Variants in VGLL4 observed in about 807,000 individuals in gnomAD.
VGLL4 encodes the protein vestigial like family member 4, also known as transcription cofactor vestigial-like protein 4.
A neutral mutation model predicts 21.0 loss-of-function variants in VGLL4; 7 were observed. The ratio of observed to expected loss-of-function variants is 0.33; its 90% CI spans 0.19 to 0.63. VGLL4 has a LOEUF of 0.63. Among genes scored for constraint, VGLL4 ranks in the 20% least tolerant of loss-of-function variants. VGLL4 has a pLI of 0.78. For synonymous variants in VGLL4, 222 were observed against 173.2 expected, an observed-to-expected ratio of 1.28 and a Z score of -2.21; for missense variants, 394 against 425.7, an observed-to-expected ratio of 0.93 and a Z score of 0.66.
At chr3:11,660,443 C>G (rs572404810) in intron 2 of VGLL4, among the ~76,000 whole-genome samples, 1 of 152,290 alleles carries the variant, frequency 6.6e-6, no homozygotes, top group African/African-American at 2.4e-5. Context: ...AAGGCCTTTG[C>G]TTATTTACTC....
chr3:11,695,236 G>T (rs1454741733), intron 2 of VGLL4, among the ~76,000 whole-genome samples: 9 of 151,888 alleles, frequency 5.9e-5, no homozygotes. Context: ...TTTTAGTAGA[G>T]ACGGGGTTTC....
intron 1 of VGLL4, among the ~76,000 whole-genome samples, chr3:11,636,528 C>G (rs1432727957): frequency 6.6e-6 from 1 of 152,174 alleles, no homozygotes; most frequent in Non-Finnish European, 1.5e-5. Flanking sequence ...GCAATTTAAG[C>G]TTTTTCTATG....
rs36035876 is a variant in VGLL4 at position 11,691,983 on chromosome 3, G to GAA, written c.64+10986_64+10987dup. ...ATGGGTAGGGAGAAGTGCACCAAAT[G>GAA]AAAAAAAAAAAAAAAAAAGAACTAC... On this transcript the variant is annotated intron_variant, in intron 2 of 5. Transcript: ENST00000273038. 4.2e-3 allele frequency among the ~76,000 whole-genome samples: 447 copies of GAA among 105,652 alleles called. 8 individuals are homozygous for GAA. The highest frequency in any genetic ancestry group is 6.1e-3 in the South Asian group (19 of 3,096). The allele number at this position is 105,652 out of a possible 152,430, so 69.3% of individuals were successfully genotyped here.
chr3:11,699,811 C>CA lies in VGLL4; in HGVS notation c.64+3159dup, dbSNP rs112509560. On this transcript the variant is annotated intron_variant, in intron 2 of 5. Coordinates refer to the VGLL4 transcript ENST00000273038. ...CTAAGTGACAGAGCAAGTTCTGTCT[C>CA]AAAAAAAAAAAGGAGAATGATCTAG... Among the ~76,000 whole-genome samples the CA allele has an allele frequency of 4.7e-3, 659 of 138,914 alleles. 5 individuals carry two copies. The highest frequency in any genetic ancestry group is 0.029 in the Middle Eastern group (8 of 278). 91.1% of individuals were successfully genotyped at this position (138,914 alleles called of 152,430 possible).
rs1575442679 is a variant in VGLL4 at position 11,604,264 on chromosome 3, G to GCGCCCCCACGCCCACCCCC, written c.83-2243_83-2242insGGGGGTGGGCGTGGGGGCG. ...GCCGGCGCCGGAAGGAGCCCAGGAAGCACGGTTTGCCTCATTTGATGGATG... is the reference window on the plus strand; with the variant it reads ...GCCGGCGCCGGAAGGAGCCCAGGAAGCGCCCCCACGCCCACCCCCCACGGTTTGCCTCATTTGATGGATG... On this transcript the variant is annotated intron_variant, in intron 1 of 4. Coordinates refer to ENST00000430365, the MANE Select transcript of VGLL4 (RefSeq NM_001128219.3). 3.8e-4 allele frequency: 216 copies of GCGCCCCCACGCCCACCCCC among 570,942 alleles called. 7 individuals are homozygous for GCGCCCCCACGCCCACCCCC. The highest frequency in any genetic ancestry group is 1.7e-3 in the African/African-American group (64 of 38,578). The allele number at this position is 570,942 out of a possible 1,614,324, so 35.4% of individuals were successfully genotyped here. A position where few individuals can be genotyped will look rare whatever the true frequency, so the allele number is the denominator to read the frequency against.
intron 1 of VGLL4, among the ~76,000 whole-genome samples, chr3:11,602,306 T>G (rs1018027144): frequency 1.3e-5 from 2 of 152,134 alleles, no homozygotes; most frequent in African/African-American, 4.8e-5. Flanking sequence ...GCAAAAAGCA[T>G]TTTCTGTAAA....
At chr3:11,698,138 C>G (rs1295521423) in intron 2 of VGLL4, among the ~76,000 whole-genome samples, 1 of 152,114 alleles carries the variant, frequency 6.6e-6, no homozygotes, top group East Asian at 1.9e-4. Flanking sequence ...AAAGACATGC[C>G]AAGGTGTTGT....
intron 2 of VGLL4, among the ~76,000 whole-genome samples, chr3:11,595,778 T>C (rs1371768211): frequency 5.3e-5 from 8 of 150,858 alleles, no homozygotes; most frequent in Admixed American, 1.3e-4. Flanking sequence ...TAGGTGGGAA[T>C]TGAACAATGA....
chr3:11,620,381 G>A (rs2075243136), intron 1 of VGLL4, among the ~76,000 whole-genome samples: 1 of 152,174 alleles, frequency 6.6e-6, no homozygotes. Flanking sequence ...CACAGCCTGA[G>A]GGGGCAACAG....
chr3:11,673,405 C>T (rs760811167), intron 2 of VGLL4, among the ~76,000 whole-genome samples: 20 of 151,072 alleles, frequency 1.3e-4, no homozygotes, highest in Non-Finnish European at 2.8e-4. Context: ...TTCCAAAAAG[C>T]AGAACGAGTC....
At chr3:11,563,629 A>G (rs2073241342) in intron 3 of VGLL4, among the ~76,000 whole-genome samples, 1 of 152,204 alleles carries the variant, frequency 6.6e-6, no homozygotes, top group South Asian at 2.1e-4. Flanking sequence ...CAGCAGTGAT[A>G]ACTTGGCCTC....
rs982222165 is a variant in VGLL4 at position 11,660,723 on chromosome 3, A to G, written c.64+42248T>C. 5.3e-5 allele frequency among the ~76,000 whole-genome samples: 8 copies of G among 152,280 alleles called. No individual in the cohort carries two copies. The East Asian group carries it at 1.3e-3, about 26-fold the overall frequency. On this transcript the variant is annotated intron_variant, in intron 2 of 5. Coordinates refer to the VGLL4 transcript ENST00000273038. ...ATTGTAAATGTTATAGGTTTCAAAG[A>G]TTATCTATTTGGGAACTTGGGCATA...
chr3:11,568,539 T>G lies in VGLL4; in HGVS notation c.273-3520A>C, dbSNP rs1220596916. 24 of 1,549,228 alleles carry G rather than the reference T, an allele frequency of 1.5e-5. 2 individuals carry two copies. In the South Asian group the frequency reaches 2.0e-4, roughly 13 times the overall value. ...GGCACTATGGGTCAGACAAAGACAC[T>G]GAAAACAGCGAGAAAAGGCCTGGAG... On this transcript the variant is annotated intron_variant, in intron 2 of 4. Coordinates refer to ENST00000430365, the MANE Select transcript of VGLL4 (RefSeq NM_001128219.3). This position sits in a 1 kb window ranked among gnomAD's most constrained non-coding sequence, Gnocchi z 5.9.
intron 1 of VGLL4, among the ~76,000 whole-genome samples, chr3:11,628,738 T>C (rs1356482540): frequency 6.6e-6 from 1 of 152,216 alleles, no homozygotes; most frequent in Non-Finnish European, 1.5e-5. Context: ...AAGAATGGTG[T>C]GAACACGGGA....
chr3:11,615,959 C>T (rs891048048), intron 1 of VGLL4, among the ~76,000 whole-genome samples: 4 of 152,206 alleles, frequency 2.6e-5, no homozygotes, highest in African/African-American at 7.2e-5. Flanking sequence ...TCCATTCTTC[C>T]TTCTCACATC....
upstream of VGLL4, among the ~76,000 whole-genome samples, chr3:11,644,681 A>C (rs1186509839): frequency 6.6e-6 from 1 of 152,038 alleles, no homozygotes; most frequent in East Asian, 1.9e-4. Context: ...CCCCATCTCT[A>C]CTAAAAATAC....
At chr3:11,590,093 C>T (rs1032077876) in intron 2 of VGLL4, among the ~76,000 whole-genome samples, 1 of 152,172 alleles carries the variant, frequency 6.6e-6, no homozygotes, top group Admixed American at 6.5e-5. Context: ...GAGTTTGGGA[C>T]CACCGAACTT....
Position 11,558,703 on chromosome 3 carries a change from G to A in VGLL4, c.744C>T (p.Ala248=). 6.2e-7 allele frequency: 1 copy of A among 1,614,036 alleles called. No individual in the cohort carries two copies. The change falls in exon 5 of 5, where the codon GCC becomes GCT. Residue 248 remains alanine (A), a synonymous_variant. Coordinates refer to ENST00000430365, the MANE Select transcript of VGLL4 (RefSeq NM_001128219.3). ...SITGSVDDHF[A]KALGDTWLQI... Reference sequence around the variant, plus strand: ...GGAGCCACGTGTCACCCAGAGCTTTGGCAAAGTGGTCGTCCACGGAGCCCG... The same window carrying A: ...GGAGCCACGTGTCACCCAGAGCTTTAGCAAAGTGGTCGTCCACGGAGCCCG...
intron 2 of VGLL4, chr3:11,671,478 G>C: frequency 1.5e-6 from 1 of 676,748 alleles, no homozygotes; most frequent in Non-Finnish European, 2.7e-6. Flanking sequence ...AGGACCCCCA[G>C]GTGTACAAAA....
Sources: allele counts gnomAD v4.1 joint callset (sites outside exome capture counted in the v4.1 genomes callset), GRCh38; gene constraint gnomAD v4.1.1; non-coding constraint Gnocchi (gnomAD v3.1); transcripts MANE v1.5; gene names NCBI Gene and HGNC (gene_info 2026-07-23, HGNC 2026-07-21).